Variants in ADGRL2 observed in about 807,000 individuals in gnomAD.
The protein encoded by ADGRL2 is adhesion G protein-coupled receptor L2.
Under a neutral mutation model 157.4 loss-of-function variants are expected in ADGRL2, and 44 were observed. The observed-to-expected ratio is 0.28, with a 90% CI of 0.22 to 0.36. ADGRL2 has a LOEUF of 0.36. Among genes scored for constraint, ADGRL2 ranks in the 10% least tolerant of loss-of-function variants. ADGRL2 has a pLI of 1.00. For missense variants in ADGRL2, 1,510 were observed against 1,768.9 expected, an observed-to-expected ratio of 0.85 and a Z score of 2.63; for synonymous variants, 585 against 624.7, an observed-to-expected ratio of 0.94 and a Z score of 0.95.
chr1:81,521,372 A>G (rs1317807112), intron 2 of ADGRL2, among the ~76,000 whole-genome samples: 1 of 152,212 alleles, frequency 6.6e-6, no homozygotes, highest in African/African-American at 2.4e-5. Context: ...AAAATTATAT[A>G]ATATATACAG....
intron 3 of ADGRL2, among the ~76,000 whole-genome samples, chr1:81,658,930 T>C (rs1463408561): frequency 2.6e-5 from 4 of 152,028 alleles, no homozygotes; most frequent in Admixed American, 2.6e-4. Flanking sequence ...TTTTGTATTT[T>C]TAGTAGAGAT....
intron 1 of ADGRL2, among the ~76,000 whole-genome samples, chr1:81,342,336 A>G (rs896374997): frequency 3.3e-5 from 5 of 152,332 alleles, no homozygotes; most frequent in African/African-American, 1.2e-4. Flanking sequence ...CAGTGGAATT[A>G]ATCAAATCAA....
At chr1:81,763,322 C>T (rs780128374) in intron 2 of ADGRL2, among the ~76,000 whole-genome samples, 2 of 151,834 alleles carry the variant, frequency 1.3e-5, no homozygotes, top group African/African-American at 4.8e-5. Flanking sequence ...TGGTAGCACA[C>T]GCCTGTAATC....
At chr1:81,624,860 C>T (rs2081876670) in intron 3 of ADGRL2, among the ~76,000 whole-genome samples, 1 of 152,148 alleles carries the variant, frequency 6.6e-6, no homozygotes, top group South Asian at 2.1e-4. Flanking sequence ...AAAGAAGAGG[C>T]TGAATGAGAC....
chr1:81,468,045 G>T (rs1354169771), intron 2 of ADGRL2, among the ~76,000 whole-genome samples: 1 of 152,060 alleles, frequency 6.6e-6, no homozygotes, highest in Non-Finnish European at 1.5e-5. Context: ...AAATTTTAGG[G>T]AAATTCTCAG....
chr1:81,579,836 G>A (rs1386494986), intron 2 of ADGRL2, among the ~76,000 whole-genome samples: 1 of 151,820 alleles, frequency 6.6e-6, no homozygotes, highest in African/African-American at 2.4e-5. Flanking sequence ...TATGAGATAT[G>A]CACAGCTTTT....
chr1:81,518,537 C>A (rs145966641), intron 2 of ADGRL2, among the ~76,000 whole-genome samples: 1 of 152,096 alleles, frequency 6.6e-6, no homozygotes, highest in East Asian at 1.9e-4. Flanking sequence ...GTTAAGATAG[C>A]GGAAAGAGAT....
At chr1:81,720,468 G>C (rs1028047990) in intron 1 of ADGRL2, among the ~76,000 whole-genome samples, 1 of 151,914 alleles carries the variant, frequency 6.6e-6, no homozygotes, top group Admixed American at 6.6e-5. Context: ...CACTGCGCCC[G>C]GCCAAAGCAT....
chr1:81,634,488 T>C (rs535996362), intron 3 of ADGRL2, among the ~76,000 whole-genome samples: 36 of 151,454 alleles, frequency 2.4e-4, no homozygotes, highest in Admixed American at 1.3e-4. Flanking sequence ...GCTCCAATTA[T>C]GTTAGCTTTA....
chr1:81,839,825 T>A (rs1359872512), intron 2 of ADGRL2, among the ~76,000 whole-genome samples: 2 of 126,376 alleles, frequency 1.6e-5, no homozygotes, highest in African/African-American at 2.9e-5. Context: ...ATATATGTTT[T>A]CCATCATATA....
intron 2 of ADGRL2, among the ~76,000 whole-genome samples, chr1:81,487,416 A>G (rs1296603170): frequency 6.6e-6 from 1 of 152,176 alleles, no homozygotes; most frequent in Admixed American, 6.5e-5. Flanking sequence ...AGGCTGAGGC[A>G]GGCAGATCAC....
At chr1:81,354,097 C>T (rs867083758) in intron 1 of ADGRL2, among the ~76,000 whole-genome samples, 1 of 152,168 alleles carries the variant, frequency 6.6e-6, no homozygotes, top group African/African-American at 2.4e-5. Flanking sequence ...ACAGCATAGA[C>T]TTTGGAGTCC....
chr1:81,539,375 T>C (rs1402652461), intron 2 of ADGRL2, among the ~76,000 whole-genome samples: 1 of 152,156 alleles, frequency 6.6e-6, no homozygotes, highest in Non-Finnish European at 1.5e-5. Flanking sequence ...GCTCTAGAGC[T>C]ACAAGGCATG....
At chr1:81,610,827 T>C (rs1471159995) in intron 3 of ADGRL2, among the ~76,000 whole-genome samples, 1 of 152,166 alleles carries the variant, frequency 6.6e-6, no homozygotes, top group Non-Finnish European at 1.5e-5. Flanking sequence ...AGAATGAAGG[T>C]AAAGAAAACA....
intron 1 of ADGRL2, among the ~76,000 whole-genome samples, chr1:81,404,239 G>A (rs2076814184): frequency 1.3e-5 from 2 of 152,128 alleles, no homozygotes; most frequent in South Asian, 4.1e-4. Context: ...CTAGCTGTAT[G>A]ATCTTAGGCA....
chr1:81,869,995 A>G (rs1231171001), intron 2 of ADGRL2, among the ~76,000 whole-genome samples: 1 of 151,898 alleles, frequency 6.6e-6, no homozygotes, highest in Non-Finnish European at 1.5e-5. Context: ...AAAAGTAGGA[A>G]ATGCACATTT....
chr1:81,657,009 CAAAAAAA>C (rs11383698), intron 3 of ADGRL2, among the ~76,000 whole-genome samples: 6 of 109,272 alleles, frequency 5.5e-5, no homozygotes, highest in South Asian at 3.3e-4. Flanking sequence ...GACCCTGTCT[CAAAAAAA>C]AAAAAAAAAA....
intron 1 of ADGRL2, among the ~76,000 whole-genome samples, chr1:81,810,539 C>T (rs111578828): frequency 2.0e-5 from 3 of 151,860 alleles, no homozygotes; most frequent in African/African-American, 7.2e-5. Context: ...CTCCACTCAT[C>T]TTTGTGTTCT....
chr1:81,538,850 C>A (rs1239711188), intron 2 of ADGRL2, among the ~76,000 whole-genome samples: 1 of 151,314 alleles, frequency 6.6e-6, no homozygotes. Context: ...ACCAAAAATA[C>A]AAAAAAAATT....
Sources: gnomAD v4.1 joint callset for allele counts (sites outside exome capture counted in the v4.1 genomes callset) on GRCh38, gnomAD v4.1.1 for gene constraint, MANE v1.5 for transcripts, NCBI Gene and HGNC (gene_info 2026-07-23, HGNC 2026-07-21) for gene names.